GULP1: variants seen among roughly 807,000 people sequenced by gnomAD.
GULP1 encodes GULP PTB domain containing engulfment adaptor 1.
A neutral mutation model predicts 40.9 loss-of-function variants in GULP1; 19 were observed. The ratio of observed to expected loss-of-function variants is 0.46; its 90% confidence interval spans 0.32 to 0.68. The LOEUF is 0.68. Among genes scored for constraint, GULP1 ranks in the 30% least tolerant of loss-of-function variants. The probability of loss-of-function intolerance (pLI) is 0.03; values close to 1 mark genes in which losing one functional copy is unlikely to be tolerated. For synonymous variants in GULP1, 119 were observed against 117.6 expected (o/e 1.01, Z -0.08); for missense variants, 312 against 362.2 (o/e 0.86, Z 1.12).
Position 188,459,091 on chromosome 2 carries a change from C to T in GULP1, c.-44-18568C>T, listed in dbSNP as rs1397782495. On this transcript the variant is annotated intron_variant, in intron 2 of 11. Coordinates refer to ENST00000409830, the MANE Select transcript of GULP1 (RefSeq NM_016315.4). ...TGCCACATTTCTTTTTGTCCATTCA[C>T]CTGTTGATACACACTTAGGTTGCTT... 2.6e-5 allele frequency among the ~76,000 whole-genome samples: 4 copies of T among 152,094 alleles called. No homozygotes were observed. The South Asian group carries it at 6.2e-4, about 24-fold the overall frequency.
At chr2:188,571,683 C>T (rs1193859838) in intron 9 of GULP1, among the ~76,000 whole-genome samples, 2 of 152,192 alleles carry the variant, frequency 1.3e-5, no homozygotes, top group African/African-American at 2.4e-5. Flanking sequence ...ATTATTCAAC[C>T]TTCCATCCCA....
At chr2:188,329,765 A>G (rs1187189139) in intron 1 of GULP1, among the ~76,000 whole-genome samples, 1 of 152,132 alleles carries the variant, frequency 6.6e-6, no homozygotes, top group Non-Finnish European at 1.5e-5. Flanking sequence ...TGGTGATTGT[A>G]GAAGCAAAGA....
At chr2:188,329,903 C>G (rs368054615) in intron 1 of GULP1, among the ~76,000 whole-genome samples, 1 of 152,070 alleles carries the variant, frequency 6.6e-6, no homozygotes, top group Non-Finnish European at 1.5e-5. Context: ...ATGGATCTGT[C>G]TTTTCTGATA....
intron 1 of GULP1, among the ~76,000 whole-genome samples, chr2:188,321,837 T>C (rs1411849080): frequency 6.6e-6 from 1 of 151,936 alleles, no homozygotes. Context: ...ACCAACATGG[T>C]GAAACACCAA....
Position 188,477,672 on chromosome 2 carries a change from G to C in GULP1, c.-31G>C, listed in dbSNP as rs991687483. On this transcript the variant is annotated 5_prime_UTR_variant, in exon 3 of 12. Transcript: ENST00000409830. Reference sequence around the variant, plus strand: ...TCACTTTTACAGGATTTAAGTCGTGGAACTGAACATTTATTTGGCTGATCC... The same window carrying C: ...TCACTTTTACAGGATTTAAGTCGTGCAACTGAACATTTATTTGGCTGATCC... 6 of 1,575,004 alleles carry C rather than the reference G, an allele frequency of 3.8e-6. No homozygotes were observed. In the African/African-American group the frequency reaches 6.9e-5, roughly 18 times the overall value.
At chr2:188,315,237 C>G (rs1305051626) in intron 1 of GULP1, among the ~76,000 whole-genome samples, 2 of 152,122 alleles carry the variant, frequency 1.3e-5, no homozygotes, top group African/African-American at 4.8e-5. Flanking sequence ...GGCTGCAGTG[C>G]ATGATAACTT....
At chr2:188,430,434 G>A (rs915026550) in intron 2 of GULP1, among the ~76,000 whole-genome samples, 17 of 152,168 alleles carry the variant, frequency 1.1e-4, no homozygotes, top group Non-Finnish European at 2.5e-4. Context: ...AGTTAAACTT[G>A]ATGAAAAGAG....
intron 2 of GULP1, among the ~76,000 whole-genome samples, chr2:188,416,868 A>T (rs538460459): frequency 1.1e-4 from 16 of 152,354 alleles, no homozygotes; most frequent in Non-Finnish European, 2.1e-4. Context: ...TTTATTTTTG[A>T]AGTCTAGTAG....
chr2:188,470,754 A>C (rs1487944056), intron 2 of GULP1, among the ~76,000 whole-genome samples: 2 of 152,064 alleles, frequency 1.3e-5, no homozygotes, highest in Non-Finnish European at 2.9e-5. Flanking sequence ...TTCTAGTTTT[A>C]TTCAGTTTTG....
At chr2:188,355,075 C>T (rs1048899006) in intron 1 of GULP1, among the ~76,000 whole-genome samples, 1 of 151,954 alleles carries the variant, frequency 6.6e-6, no homozygotes, top group African/African-American at 2.4e-5. Context: ...TAGCAATAAG[C>T]TCTACATCCA....
At chr2:188,384,729 A>G (rs2049444319) in intron 2 of GULP1, among the ~76,000 whole-genome samples, 1 of 152,226 alleles carries the variant, frequency 6.6e-6, no homozygotes, top group African/African-American at 2.4e-5. Flanking sequence ...GGAATTGGGT[A>G]GATACAGCCA....
chr2:188,387,433 C>T (rs2049931858), intron 2 of GULP1, among the ~76,000 whole-genome samples: 1 of 152,058 alleles, frequency 6.6e-6, no homozygotes, highest in South Asian at 2.1e-4. Context: ...ATAAATAGTT[C>T]CTTGTCACCT....
chr2:188,422,752 C>T (rs941207709), intron 2 of GULP1, among the ~76,000 whole-genome samples: 1 of 151,990 alleles, frequency 6.6e-6, no homozygotes, highest in African/African-American at 2.4e-5. Flanking sequence ...TTTTAAACTA[C>T]TATGAAAGTA....
At chr2:188,511,597 T>TA (rs1230557944) in intron 4 of GULP1, among the ~76,000 whole-genome samples, 1 of 152,166 alleles carries the variant, frequency 6.6e-6, no homozygotes, top group Admixed American at 6.5e-5. Context: ...GACCATGTGG[T>TA]ACAAACTCGG....
At chr2:188,378,366 T>C (rs1052323323) in intron 1 of GULP1, among the ~76,000 whole-genome samples, 1 of 152,072 alleles carries the variant, frequency 6.6e-6, no homozygotes, top group African/African-American at 2.4e-5. Context: ...GCCAATAGTA[T>C]TTATTTGAAG....
At chr2:188,589,268 A>G (rs1354970168) in intron 11 of GULP1, 1 of 152,220 alleles carries the variant, frequency 6.6e-6, no homozygotes, top group Admixed American at 6.5e-5. Flanking sequence ...ATTGATTTCA[A>G]CATGTATTCT....
intron 2 of GULP1, among the ~76,000 whole-genome samples, chr2:188,434,175 A>C (rs1056950305): frequency 6.6e-6 from 1 of 152,034 alleles, no homozygotes; most frequent in African/African-American, 2.4e-5. Context: ...TGTGTGCTCC[A>C]AAATCACCTT....
intron 1 of GULP1, chr2:188,293,831 TAGCCAGGCATGAAAG>T: frequency 6.6e-6 from 1 of 152,276 alleles, no homozygotes; most frequent in African/African-American, 2.4e-5. Context: ...CTGAGCTCAG[TAGCCAGGCATGAAAG>T]AGACTGGGCA....
At chr2:188,452,825 C>A (rs188605862) in intron 2 of GULP1, among the ~76,000 whole-genome samples, 1 of 152,092 alleles carries the variant, frequency 6.6e-6, no homozygotes, top group Non-Finnish European at 1.5e-5. Flanking sequence ...TTTATTAATA[C>A]AATAATAGGG....
Sources: allele counts gnomAD v4.1 joint callset (sites outside exome capture counted in the v4.1 genomes callset), GRCh38; gene constraint gnomAD v4.1.1; transcripts MANE v1.5; gene names NCBI Gene and HGNC (gene_info 2026-07-23, HGNC 2026-07-21).